Variants in DOCK11 observed in about 807,000 individuals in gnomAD.
DOCK11 encodes dedicator of cytokinesis protein 11.
A neutral mutation model predicts 169.1 loss-of-function variants in DOCK11; 70 were observed. The ratio of observed to expected loss-of-function variants is 0.41; its 90% CI spans 0.34 to 0.51. The LOEUF (loss-of-function observed/expected upper bound fraction) is 0.51, where lower values mean the gene tolerates loss of function less well. DOCK11 is among the 20% of genes least tolerant of loss of function. The probability of loss-of-function intolerance (pLI) is 0.10; values close to 1 mark genes in which losing one functional copy is unlikely to be tolerated. For synonymous variants in DOCK11, 529 were observed against 541.3 expected (o/e 0.98, Z 0.32); for missense variants, 1,166 against 1,538.8 (o/e 0.76, Z 4.05).
intron 40 of DOCK11, among the ~76,000 whole-genome samples, chrX:118,645,072 T>C (rs2015621727): frequency 1.8e-5 from 2 of 111,967 alleles, no homozygotes; most frequent in Non-Finnish European, 3.8e-5. Flanking sequence ...ATCAGTCCAC[T>C]GACAGTATGG....
At chrX:118,624,725 T>TA in intron 32 of DOCK11, 70 bp downstream of exon 32, 6 of 670,351 alleles carry the variant, frequency 9.0e-6, no homozygotes, top group Non-Finnish European at 1.4e-5. Context: ...TGGGGTCATA[T>TA]GCTATATGAT....
intron 7 of DOCK11, among the ~76,000 whole-genome samples, chrX:118,562,184 G>T (rs1330550204): frequency 1.9e-5 from 2 of 107,569 alleles, no homozygotes; most frequent in Non-Finnish European, 3.9e-5. Flanking sequence ...AAAAAGGAAA[G>T]AAAATGAACC....
intron 39 of DOCK11, 97 bp from the exon 40 acceptor site, chrX:118,643,360 C>T: frequency 1.1e-6 from 1 of 894,231 alleles, no homozygotes; most frequent in South Asian, 3.1e-5. Flanking sequence ...TTTTATTTTC[C>T]TGAAACTTCC....
intron 35 of DOCK11, among the ~76,000 whole-genome samples, chrX:118,631,962 T>G (rs138753282): frequency 9.1e-6 from 1 of 110,330 alleles, no homozygotes; most frequent in Admixed American, 9.6e-5. Flanking sequence ...ACCATGACTG[T>G]TTTTGTTTTG....
chrX:118,663,028 A>G (rs1452060001), intron 45 of DOCK11, among the ~76,000 whole-genome samples: 6 of 112,196 alleles, frequency 5.3e-5, no homozygotes, highest in Non-Finnish European at 1.1e-4. Context: ...TCACCATTCC[A>G]ATAACTAGAT....
intron 1 of DOCK11, among the ~76,000 whole-genome samples, chrX:118,526,349 C>T (rs2011375380): frequency 8.9e-6 from 1 of 112,358 alleles, no homozygotes; most frequent in Non-Finnish European, 1.9e-5. Flanking sequence ...TCTCTTGTTT[C>T]CTCTCTCAGC....
chrX:118,516,725 G>A (rs1290262680), intron 1 of DOCK11, among the ~76,000 whole-genome samples: 1 of 111,942 alleles, frequency 8.9e-6, no homozygotes, highest in Admixed American at 9.5e-5. Flanking sequence ...GTGAGCCACC[G>A]CACCCGGCTG....
At chrX:118,652,164 T>G in intron 42 of DOCK11, 87 bp downstream of exon 42, 1 of 577,714 alleles carries the variant, frequency 1.7e-6, no homozygotes. Flanking sequence ...ATTCACAACT[T>G]TTGTTAGTAT....
At chrX:118,583,007 T>C (rs1212466249) in intron 14 of DOCK11, among the ~76,000 whole-genome samples, 1 of 112,217 alleles carries the variant, frequency 8.9e-6, no homozygotes, top group Non-Finnish European at 1.9e-5. Context: ...CTGTTCATAA[T>C]AGCAAAGACT....
intron 40 of DOCK11, among the ~76,000 whole-genome samples, chrX:118,648,229 A>AAT (rs752293918): frequency 0.012 from 999 of 84,728 alleles, 15 homozygotes; most frequent in African/African-American, 0.042. Flanking sequence ...ATAATAATAT[A>AAT]ATATATATAT....
intron 4 of DOCK11, 53 bp downstream of exon 4, chrX:118,543,646 T>G: frequency 1.9e-6 from 2 of 1,070,386 alleles, no homozygotes; most frequent in Non-Finnish European, 1.3e-6. Context: ...TAAGCTTTTT[T>G]ACCTTGTTAA....
At chrX:118,638,485 C>T (rs2015446682) in intron 37 of DOCK11, among the ~76,000 whole-genome samples, 1 of 111,856 alleles carries the variant, frequency 8.9e-6, no homozygotes, top group African/African-American at 3.3e-5. Flanking sequence ...GTTACTAAAG[C>T]AAATAGAAAT....
chrX:118,586,545 G>A (rs929230658), intron 16 of DOCK11, among the ~76,000 whole-genome samples: 2 of 111,563 alleles, frequency 1.8e-5, no homozygotes, highest in African/African-American at 6.5e-5. Flanking sequence ...AACACCTGGG[G>A]ATTACAATTC....
At chrX:118,621,707 C>T (rs1246968870) in intron 31 of DOCK11, among the ~76,000 whole-genome samples, 3 of 111,010 alleles carry the variant, frequency 2.7e-5, no homozygotes, top group Non-Finnish European at 3.8e-5. Context: ...AATCTCAGCT[C>T]GCTGCAGCCT....
intron 40 of DOCK11, among the ~76,000 whole-genome samples, chrX:118,648,532 T>G (rs901496045): frequency 2.2e-5 from 2 of 92,531 alleles, no homozygotes; most frequent in Non-Finnish European, 4.2e-5. Context: ...ATATATATAT[T>G]TATATATTTA....
chrX:118,518,596 T>C (rs2057704080), intron 1 of DOCK11, among the ~76,000 whole-genome samples: 1 of 111,733 alleles, frequency 8.9e-6, no homozygotes, highest in Non-Finnish European at 1.9e-5. Context: ...TTCCTCTTTG[T>C]AACTGAAAAA....
intron 6 of DOCK11, among the ~76,000 whole-genome samples, chrX:118,555,364 G>A: frequency 9.1e-6 from 1 of 110,313 alleles, no homozygotes; most frequent in Admixed American, 9.7e-5. Flanking sequence ...AGACCAGCCT[G>A]GGCAACACGG....
intron 1 of DOCK11, among the ~76,000 whole-genome samples, chrX:118,523,868 A>G (rs1290361489): frequency 2.7e-5 from 3 of 111,671 alleles, no homozygotes; most frequent in African/African-American, 9.8e-5. Flanking sequence ...CAGAGAGACA[A>G]GAAGGGGAGT....
chrX:118,581,805 T>TAAAAAAAA (rs35095116), intron 14 of DOCK11, among the ~76,000 whole-genome samples: 7 of 12,746 alleles, frequency 5.5e-4, no homozygotes, highest in Admixed American at 3.5e-3. Flanking sequence ...CTCCGTCTCC[T>TAAAAAAAA]AAAAAAAAAA....
Sources: allele counts gnomAD v4.1 joint callset (sites outside exome capture counted in the v4.1 genomes callset), GRCh38; gene constraint gnomAD v4.1.1; transcripts MANE v1.5; gene names NCBI Gene and HGNC (gene_info 2026-07-23, HGNC 2026-07-21).